DPH5: variants seen among roughly 807,000 people sequenced by gnomAD.
DPH5 encodes the protein diphthamide biosynthesis 5, also known as diphthine methyl ester synthase.
In DPH5, 31 loss-of-function variants were observed where a neutral mutation model predicts 31.6. The observed-to-expected ratio is 0.98, with a 90% CI of 0.74 to 1.32. The LOEUF (loss-of-function observed/expected upper bound fraction) is 1.32. DPH5 is among the 40% of genes most tolerant of loss of function. The pLI, the probability that DPH5 is intolerant of heterozygous loss-of-function variation, is 0.00. For missense variants in DPH5, 309 were observed against 335.7 expected (o/e 0.92, Z 0.62); for synonymous variants, 120 against 115.0 (o/e 1.04, Z -0.28).
At chr1:101,009,992 C>T (rs1428430131) in intron 4 of DPH5, among the ~76,000 whole-genome samples, 1 of 152,170 alleles carries the variant, frequency 6.6e-6, no homozygotes, top group African/African-American at 2.4e-5. Context: ...TTAGAGATAC[C>T]TTCCCGACCT....
intron 5 of DPH5, among the ~76,000 whole-genome samples, chr1:100,998,299 C>G (rs991319594): frequency 6.6e-6 from 1 of 151,968 alleles, no homozygotes; most frequent in Non-Finnish European, 1.5e-5. Context: ...TCACTTGAGG[C>G]CAGGGGTTTG....
Position 101,021,728 on chromosome 1 carries a change from C to G in DPH5, c.173G>C (p.Arg58Thr). 1 of 1,613,646 alleles carries G rather than the reference C, an allele frequency of 6.2e-7. No homozygotes were observed. The highest frequency in any genetic ancestry group is 8.5e-7 in the Non-Finnish European group (1 of 1,179,770). Residue 58 changes from arginine to threonine, a missense_variant, in exon 3 of 8, where the codon AGA becomes ACA. Arg to Thr is a moderately conservative substitution (Grantham distance 71). Coordinates refer to ENST00000370109, the MANE Select transcript of DPH5 (RefSeq NM_015958.3). ...ATCTGCTTCTTGTTCCACTTCTTCT[C>G]TATCAGCAACAACCAATTTTCTTCC... Reference protein sequence around the residue: ...FYGRKLVVADREEVEQEADNI... With the variant: ...FYGRKLVVADTEEVEQEADNI...
At chr1:101,002,681 T>G (rs1658961158) in intron 4 of DPH5, among the ~76,000 whole-genome samples, 1 of 152,212 alleles carries the variant, frequency 6.6e-6, no homozygotes, top group South Asian at 2.1e-4. Context: ...ACCGTGTGCC[T>G]GAAATAGCCA....
chr1:101,016,629 T>G (rs1660101079), intron 3 of DPH5, among the ~76,000 whole-genome samples: 1 of 151,684 alleles, frequency 6.6e-6, no homozygotes, highest in Non-Finnish European at 1.5e-5. Flanking sequence ...TATTTTTTGG[T>G]AGAGACGGGG....
chr1:101,006,501 T>C (rs1268272320), intron 4 of DPH5, among the ~76,000 whole-genome samples: 2 of 152,072 alleles, frequency 1.3e-5, no homozygotes, highest in African/African-American at 4.8e-5. Context: ...ACTAAAAGAA[T>C]AGAAAGAGCT....
chr1:101,020,593 C>T lies in DPH5; in HGVS notation c.260+1048G>A, dbSNP rs568200348. On this transcript the variant is annotated intron_variant, in intron 3 of 7. Coordinates refer to ENST00000370109, the MANE Select transcript of DPH5 (RefSeq NM_015958.3). The stretch of plus-strand genomic sequence containing the variant: ...AAAAGCCATTTATCTAGGATGACCT[C>T]CCATCCCAAGCTCTAGCAGCAGCTA... Among the ~76,000 whole-genome samples the T allele has an allele frequency of 6.0e-4, 91 of 151,762 alleles. 1 individual carries two copies. The highest frequency in any genetic ancestry group is 2.9e-5 in the Non-Finnish European group (2 of 67,936).
intron 3 of DPH5, among the ~76,000 whole-genome samples, chr1:101,019,268 T>C (rs1164792297): frequency 6.6e-6 from 1 of 152,182 alleles, no homozygotes; most frequent in Non-Finnish European, 1.5e-5. Context: ...TTCCTTTCAA[T>C]AACCTGGGTA....
chr1:101,009,718 C>A (rs560618300), intron 4 of DPH5, among the ~76,000 whole-genome samples: 1 of 152,302 alleles, frequency 6.6e-6, no homozygotes, highest in Non-Finnish European at 1.5e-5. Context: ...AGTATTTATA[C>A]TGCTTAAAAC....
intron 4 of DPH5, among the ~76,000 whole-genome samples, chr1:101,010,854 T>G (rs1182562952): frequency 6.6e-6 from 1 of 152,236 alleles, no homozygotes; most frequent in Non-Finnish European, 1.5e-5. Context: ...TCTTTCACTT[T>G]CTAAGTTTTT....
chr1:100,999,703 G>C (rs997838492), intron 5 of DPH5, among the ~76,000 whole-genome samples: 3 of 151,910 alleles, frequency 2.0e-5, no homozygotes, highest in Admixed American at 2.0e-4. Flanking sequence ...GCCGGGTGTG[G>C]TGTCAGGCAC....
At chr1:100,997,567 G>A (rs962535944) in intron 5 of DPH5, among the ~76,000 whole-genome samples, 1 of 151,958 alleles carries the variant, frequency 6.6e-6, no homozygotes, top group Non-Finnish European at 1.5e-5. Flanking sequence ...GGGTTTCACC[G>A]TGTTAGTCAA....
At chr1:101,020,650 T>C (rs942496639) in intron 3 of DPH5, among the ~76,000 whole-genome samples, 2 of 151,938 alleles carry the variant, frequency 1.3e-5, no homozygotes, top group Non-Finnish European at 2.9e-5. Context: ...AGTAAACATA[T>C]TTCCAGAACC....
intron 3 of DPH5, among the ~76,000 whole-genome samples, chr1:101,020,321 ATC>A (rs935971348): frequency 6.6e-6 from 1 of 152,268 alleles, no homozygotes; most frequent in African/African-American, 2.4e-5. Context: ...TTCTGTCCTC[ATC>A]TTACAGTCAA....
At chr1:101,016,822 C>A (rs1476287169) in intron 3 of DPH5, among the ~76,000 whole-genome samples, 1 of 152,140 alleles carries the variant, frequency 6.6e-6, no homozygotes, top group Non-Finnish European at 1.5e-5. Flanking sequence ...TTCACTTAAA[C>A]ACTTTGAGGC....
At chr1:100,993,561 T>TATATATATATATATATATATATATAA (rs1658012454) in intron 6 of DPH5, among the ~76,000 whole-genome samples, 1 of 61,848 alleles carries the variant, frequency 1.6e-5, no homozygotes, top group Non-Finnish European at 3.2e-5. Context: ...AAAATATAAA[T>TATATATATATATATATATATATATAA]ATATATATAT....
In DPH5 at chr1:100,990,404, A is replaced by T. The variant is rs926612643; in HGVS notation, c.*4T>A. ...TTACATCAGACAATGGTAAATATCT[A>T]TGTTCAAAGTCCATTGATGCTTTGA... On this transcript the variant is annotated 3_prime_UTR_variant, in exon 8 of 8. Transcript: ENST00000370109. 1.2e-6 allele frequency: 2 copies of T among 1,613,076 alleles called. No individual in the cohort carries two copies. Among genetic ancestry groups the T allele is most frequent in the African/African-American group, 2.7e-5 (2 of 75,026 alleles).
intron 6 of DPH5, among the ~76,000 whole-genome samples, chr1:100,993,260 T>C (rs959425565): frequency 1.3e-5 from 2 of 151,952 alleles, no homozygotes; most frequent in African/African-American, 4.8e-5. Flanking sequence ...AACAAAAATA[T>C]AGCCATTGCA....
chr1:101,017,524 T>TAA (rs1394028912), intron 3 of DPH5, among the ~76,000 whole-genome samples: 1 of 152,246 alleles, frequency 6.6e-6, no homozygotes, highest in Non-Finnish European at 1.5e-5. Flanking sequence ...CAGTGAAATG[T>TAA]AACCGCTTAT....
chr1:101,003,664 G>A (rs1362592281), intron 4 of DPH5, among the ~76,000 whole-genome samples: 2 of 152,166 alleles, frequency 1.3e-5, no homozygotes, highest in Non-Finnish European at 2.9e-5. Context: ...AAGTCTTAGT[G>A]TTAGGAATTT....
Sources: gnomAD v4.1 joint callset for allele counts (sites outside exome capture counted in the v4.1 genomes callset) on GRCh38, gnomAD v4.1.1 for gene constraint, MANE v1.5 for transcripts, NCBI Gene and HGNC (gene_info 2026-07-23, HGNC 2026-07-21) for gene names.